FAT3: variants seen among roughly 807,000 people sequenced by gnomAD.
The protein encoded by FAT3 is protocadherin Fat 3.
In FAT3, 95 loss-of-function variants were observed where a neutral mutation model predicts 310.2. The observed-to-expected ratio is 0.31, with a 90% confidence interval of 0.26 to 0.36. The LOEUF is 0.36. Ranked by LOEUF, FAT3 falls within the 10% of genes least tolerant of loss-of-function variation. FAT3 has a pLI of 1.00. For missense variants in FAT3, 5,408 were observed against 5,715.6 expected (o/e 0.95, Z 1.74); for synonymous variants, 2,314 against 2,192.9 (o/e 1.06, Z -1.54).
chr11:92,293,529 T>A, intron 1 of FAT3, among the ~76,000 whole-genome samples: 1 of 69,302 alleles, frequency 1.4e-5, no homozygotes, highest in Non-Finnish European at 2.9e-5. Context: ...TATATATATA[T>A]ATATATATAT....
intron 13 of FAT3, among the ~76,000 whole-genome samples, chr11:92,813,564 A>G (rs950492453): frequency 1.3e-5 from 2 of 152,066 alleles, no homozygotes; most frequent in Non-Finnish European, 2.9e-5. Flanking sequence ...AGCCACACCC[A>G]CCCACTCCCT....
At chr11:92,348,009 A>G (rs1216908202) in intron 1 of FAT3, among the ~76,000 whole-genome samples, 1 of 152,220 alleles carries the variant, frequency 6.6e-6, no homozygotes, top group East Asian at 1.9e-4. Context: ...AAAAGAAAAG[A>G]AGACAAAATT....
At chr11:92,444,658 C>G (rs1951166344) in intron 2 of FAT3, among the ~76,000 whole-genome samples, 1 of 122,488 alleles carries the variant, frequency 8.2e-6, no homozygotes, top group Non-Finnish European at 1.6e-5. Context: ...ATGGATATTA[C>G]TGGGGGGGGG....
intron 1 of FAT3, among the ~76,000 whole-genome samples, chr11:92,230,980 T>C (rs1182561797): frequency 1.3e-5 from 2 of 152,220 alleles, no homozygotes; most frequent in Non-Finnish European, 2.9e-5. Context: ...CAGGGGGCAG[T>C]GCAGAGCTCC....
intron 3 of FAT3, among the ~76,000 whole-genome samples, chr11:92,672,411 A>T (rs1323584418): frequency 6.6e-6 from 1 of 152,192 alleles, no homozygotes. Context: ...GTGTTTCCAG[A>T]CATTGAAAAT....
At chr11:92,480,034 G>A (rs1178994407) in intron 2 of FAT3, among the ~76,000 whole-genome samples, 1 of 152,128 alleles carries the variant, frequency 6.6e-6, no homozygotes, top group Non-Finnish European at 1.5e-5. Context: ...GGGAGGCTGA[G>A]GCAGGCGGAT....
intron 3 of FAT3, among the ~76,000 whole-genome samples, chr11:92,634,260 C>T (rs1394823940): frequency 6.6e-6 from 1 of 152,190 alleles, no homozygotes; most frequent in South Asian, 2.1e-4. Flanking sequence ...TGGATCCCAG[C>T]CTATTCTTTA....
chr11:92,373,849 GATTA>G (rs1191067657), intron 2 of FAT3, among the ~76,000 whole-genome samples: 11 of 151,428 alleles, frequency 7.3e-5, no homozygotes, highest in African/African-American at 2.7e-4. Flanking sequence ...TATGAGAGGA[GATTA>G]ATTAGGGGGA....
chr11:92,435,040 A>G (rs938819278), intron 2 of FAT3, among the ~76,000 whole-genome samples: 2 of 152,156 alleles, frequency 1.3e-5, no homozygotes, highest in African/African-American at 2.4e-5. Context: ...CAGAAAAACC[A>G]CAACTGCTTG....
chr11:92,372,778 A>G (rs1369734841), intron 2 of FAT3, among the ~76,000 whole-genome samples: 1 of 151,782 alleles, frequency 6.6e-6, no homozygotes, highest in Non-Finnish European at 1.5e-5. Context: ...CTCCTGCCTC[A>G]GCCTCCTGAG....
intron 3 of FAT3, among the ~76,000 whole-genome samples, chr11:92,675,022 T>C (rs1292442211): frequency 6.6e-6 from 1 of 152,300 alleles, no homozygotes; most frequent in East Asian, 1.9e-4. Flanking sequence ...CTCAGTTTTC[T>C]TATCATTTTA....
At chr11:92,460,236 A>G (rs1300207647) in intron 2 of FAT3, among the ~76,000 whole-genome samples, 1 of 151,150 alleles carries the variant, frequency 6.6e-6, no homozygotes, top group African/African-American at 2.5e-5. Flanking sequence ...GAGAAGGTAG[A>G]TAATTAAGCT....
At chr11:92,606,509 G>A (rs1177645826) in intron 3 of FAT3, among the ~76,000 whole-genome samples, 1 of 152,110 alleles carries the variant, frequency 6.6e-6, no homozygotes, top group African/African-American at 2.4e-5. Context: ...CTCCCACCTC[G>A]TCTTTCCAGC....
intron 1 of FAT3, among the ~76,000 whole-genome samples, chr11:92,298,040 C>T (rs563042886): frequency 2.0e-4 from 30 of 152,094 alleles, no homozygotes; most frequent in Admixed American, 2.6e-4. Flanking sequence ...CAAGGAAATG[C>T]GGGTGGTGAG....
chr11:92,331,334 A>G (rs575888674), intron 1 of FAT3, among the ~76,000 whole-genome samples: 8 of 151,318 alleles, frequency 5.3e-5, no homozygotes, highest in African/African-American at 1.9e-4. Flanking sequence ...TCTCTGAGGT[A>G]TTAAAAGTCC....
In FAT3 at chr11:92,352,917, G is replaced by A. The variant is rs776382812; in HGVS notation, c.805G>A (p.Val269Ile). ...TGAACATGCCCCAACAATCCATGTA[G>A]TCACTCATGTTCCTTTCTCGTTGGA... ...INEHAPTIHV[V>I]THVPFSLEKE... Residue 269 changes from valine (V) to isoleucine (I), a missense_variant, in exon 2 of 28, where the codon GTC becomes ATC. This residue lies in a region of FAT3 where 4,588 missense variants were observed against 4,809.8 expected (regional missense o/e 0.95). Coordinates refer to ENST00000525166, the MANE Select transcript of FAT3 (RefSeq NM_001367949.2). 1 of 1,613,872 alleles carries A rather than the reference G, an allele frequency of 6.2e-7. No individual in the cohort carries two copies. The highest frequency in any genetic ancestry group is 1.1e-5 in the South Asian group (1 of 91,070).
rs183007221 is a variant in FAT3 at position 92,844,406 on chromosome 11, A to T, written c.11039A>T (p.Gln3680Leu). The T allele has an allele frequency of 4.3e-6, 7 of 1,613,996 alleles. No homozygotes were observed. In the East Asian group the frequency reaches 1.6e-4, roughly 36 times the overall value. The change falls in exon 19 of 28, where the codon CAG becomes CTG. Residue 3680 changes from glutamine (Q) to leucine (L), a missense_variant. Physicochemically the swap from Gln to Leu is moderately radical, Grantham distance 113. This residue lies in a region of FAT3 where 4,588 missense variants were observed against 4,809.8 expected (regional missense o/e 0.95). Coordinates refer to ENST00000525166, the MANE Select transcript of FAT3 (RefSeq NM_001367949.2). ...ACCCTGCGGAATGCAGTCCTCACCC[A>T]GAAGCAGGACAGCCTGCGCATCATC... ...RRTLRNAVLT[Q>L]KQDSLRIISI...
intron 7 of FAT3, among the ~76,000 whole-genome samples, chr11:92,781,216 G>T: frequency 6.6e-6 from 1 of 151,444 alleles, no homozygotes; most frequent in Non-Finnish European, 1.5e-5. Context: ...CAGAGTAGCT[G>T]GGACTACAGG....
At chr11:92,613,800 A>T (rs961430370) in intron 3 of FAT3, among the ~76,000 whole-genome samples, 1 of 152,146 alleles carries the variant, frequency 6.6e-6, no homozygotes, top group Non-Finnish European at 1.5e-5. Context: ...CAGTTCAGTG[A>T]TTTTTAGTTT....
Sources: gnomAD v4.1 joint callset for allele counts (sites outside exome capture counted in the v4.1 genomes callset) on GRCh38, gnomAD v4.1.1 for gene constraint, gnomAD v4.1.1 regional missense constraint, MANE v1.5 for transcripts, NCBI Gene and HGNC (gene_info 2026-07-23, HGNC 2026-07-21) for gene names.